Variants in COLEC12 observed in about 807,000 individuals in gnomAD.
COLEC12 encodes collectin-12.
A neutral mutation model predicts 71.1 loss-of-function variants in COLEC12; 33 were observed. That is an observed-to-expected ratio of 0.46 (90% CI 0.35 to 0.62). The LOEUF (loss-of-function observed/expected upper bound fraction) is 0.62, where lower values mean the gene tolerates loss of function less well. COLEC12 is among the 20% of genes least tolerant of loss of function. The pLI, the probability that COLEC12 is intolerant of heterozygous loss-of-function variation, is 0.00. For synonymous variants in COLEC12, 350 were observed against 353.0 expected (o/e 0.99, Z 0.10); for missense variants, 765 against 916.1 (o/e 0.84, Z 2.13).
intron 2 of COLEC12, among the ~76,000 whole-genome samples, chr18:374,985 A>G (rs1000247636): frequency 3.3e-5 from 5 of 152,228 alleles, no homozygotes; most frequent in African/African-American, 9.6e-5. Context: ...AACAAGTACA[A>G]TGTCGACAGT....
At position 321,731 on chromosome 18, in the gene COLEC12, C is replaced by A; in HGVS notation, c.2140G>T (p.Ala714Ser). 1 of 1,614,250 alleles carries A rather than the reference C, an allele frequency of 6.2e-7. No homozygotes were observed. Among genetic ancestry groups the A allele is most frequent in the Non-Finnish European group, 8.5e-7 (1 of 1,180,040 alleles). ...CATTGGAAATCGTTCCACTGCCCAG[C>A]ATAAATCAACCCAGCACAGTCTTCT... ...PGEDCAGLIY[A>S]GQWNDFQCED... Residue 714 changes from alanine (A) to serine (S), a missense_variant, in exon 9 of 10, where the codon GCT becomes TCT. Ala to Ser is a moderately conservative substitution (Grantham distance 99). Transcript: ENST00000400256.
Position 500,359 on chromosome 18 carries a change from C to A in COLEC12, c.7+149G>T. The A allele has an allele frequency of 2.0e-6, 1 of 491,554 alleles. No homozygotes were observed. Among genetic ancestry groups the A allele is most frequent in the South Asian group, 1.0e-4 (1 of 9,972 alleles). The allele number at this position is 491,554 out of a possible 1,614,324, so 30.4% of individuals were successfully genotyped here. On this transcript the variant is annotated intron_variant, in intron 1 of 9. Transcript: ENST00000400256. This position sits in a 1 kb window ranked among gnomAD's most constrained non-coding sequence, Gnocchi z 5.3. Reference sequence around the variant, plus strand: ...CGGGAGCCGGGTGCGCCCCCAGTGTCCGCGCACGAACCCGGCGCCCTGGCA... The same window carrying A: ...CGGGAGCCGGGTGCGCCCCCAGTGTACGCGCACGAACCCGGCGCCCTGGCA...
chr18:479,550 T>TCTCTCACACA (rs1555622841), intron 2 of COLEC12, among the ~76,000 whole-genome samples: 5 of 149,304 alleles, frequency 3.3e-5, no homozygotes, highest in African/African-American at 1.2e-4. Context: ...TCTCTCTCTC[T>TCTCTCACACA]CACACACACA....
At chr18:455,637 C>T (rs776974836) in intron 2 of COLEC12, among the ~76,000 whole-genome samples, 6 of 151,286 alleles carry the variant, frequency 4.0e-5, no homozygotes, top group Non-Finnish European at 8.8e-5. Flanking sequence ...CTAATGCTCC[C>T]CCTCCCTTTG....
Position 318,852 on chromosome 18 carries a change from T to C in COLEC12, c.*1193A>G, listed in dbSNP as rs557169920. On this transcript the variant is annotated 3_prime_UTR_variant, in exon 10 of 10. Coordinates refer to ENST00000400256, the MANE Select transcript of COLEC12 (RefSeq NM_130386.3). ...AAAAGTTTATTCTTGCATTTTATCA[T>C]GCGTATGCCTTGGAGTTATGTTTTT... 2.0e-5 allele frequency: 3 copies of C among 152,344 alleles called. No individual in the cohort carries two copies. The highest frequency in any genetic ancestry group is 7.2e-5 in the African/African-American group (3 of 41,578). The allele number at this position is 152,344 out of a possible 1,614,324, so 9.4% of individuals were successfully genotyped here.
At position 319,981 on chromosome 18, in the gene COLEC12, TAGAA is replaced by T; in HGVS notation, c.*60_*63del. 1.0e-6 allele frequency: 1 copy of T among 954,966 alleles called. No individual in the cohort carries two copies. Among genetic ancestry groups the T allele is most frequent in the Non-Finnish European group, 1.6e-6 (1 of 615,452 alleles). The allele number at this position is 954,966 out of a possible 1,614,324, so 59.2% of individuals were successfully genotyped here. ...CAATCTGATGAGAAGGTGATGCAAT[TAGAA>T]AGGAGTGTCCTTTGCCTTTGAGAGC... On this transcript the variant is annotated 3_prime_UTR_variant, in exon 10 of 10. Coordinates refer to ENST00000400256, the MANE Select transcript of COLEC12 (RefSeq NM_130386.3).
intron 1 of COLEC12, among the ~76,000 whole-genome samples, chr18:495,002 A>G (rs1357531746): frequency 6.6e-6 from 1 of 152,236 alleles, no homozygotes; most frequent in Non-Finnish European, 1.5e-5. Flanking sequence ...TTGATGGAAT[A>G]TTCATGACAA....
At chr18:490,164 T>A (rs574124966) in intron 1 of COLEC12, among the ~76,000 whole-genome samples, 20 of 152,316 alleles carry the variant, frequency 1.3e-4, no homozygotes, top group African/African-American at 2.9e-4. Flanking sequence ...TCACCTCCCC[T>A]GCTGAACTAG....
intron 2 of COLEC12, among the ~76,000 whole-genome samples, chr18:402,804 C>A (rs986168843): frequency 2.0e-5 from 3 of 151,870 alleles, no homozygotes; most frequent in Non-Finnish European, 4.4e-5. Flanking sequence ...TGATTAGAAG[C>A]CATGGCCTGA....
At chr18:383,404 T>C (rs1277193495) in intron 2 of COLEC12, among the ~76,000 whole-genome samples, 1 of 151,940 alleles carries the variant, frequency 6.6e-6, no homozygotes, top group Admixed American at 6.6e-5. Context: ...AGGAGGGAGA[T>C]GTATGTGCCC....
At chr18:375,220 T>C (rs1241524958) in intron 2 of COLEC12, among the ~76,000 whole-genome samples, 1 of 152,204 alleles carries the variant, frequency 6.6e-6, no homozygotes, top group Non-Finnish European at 1.5e-5. Flanking sequence ...CTACACTGTC[T>C]GCCTCCAAAG....
intron 2 of COLEC12, among the ~76,000 whole-genome samples, chr18:463,142 A>G (rs115882148): frequency 1.9e-3 from 288 of 152,302 alleles, no homozygotes; most frequent in African/African-American, 6.8e-3. Context: ...GTACCCAGAA[A>G]AAGCTTCCAA....
At chr18:386,515 A>G (rs1235084261) in intron 2 of COLEC12, among the ~76,000 whole-genome samples, 1 of 152,206 alleles carries the variant, frequency 6.6e-6, no homozygotes, top group Non-Finnish European at 1.5e-5. Flanking sequence ...TCCTATGTCC[A>G]TTAACATTGG....
At chr18:351,769 T>G (rs907850441) in intron 3 of COLEC12, among the ~76,000 whole-genome samples, 2 of 152,210 alleles carry the variant, frequency 1.3e-5, no homozygotes, top group African/African-American at 4.8e-5. Context: ...AGTTTTAGGG[T>G]ACATGTGCAC....
intron 2 of COLEC12, among the ~76,000 whole-genome samples, chr18:460,569 G>A (rs1252888403): frequency 6.6e-6 from 1 of 152,182 alleles, no homozygotes; most frequent in African/African-American, 2.4e-5. Context: ...TACATTGCGT[G>A]TGTTTTACAA....
intron 1 of COLEC12, among the ~76,000 whole-genome samples, chr18:485,969 G>A (rs1251115719): frequency 1.3e-5 from 2 of 152,166 alleles, no homozygotes; most frequent in South Asian, 2.1e-4. Flanking sequence ...CATTTATGAT[G>A]CATGATAGGC....
intron 2 of COLEC12, among the ~76,000 whole-genome samples, chr18:406,703 T>C (rs1915798190): frequency 6.6e-6 from 1 of 152,214 alleles, no homozygotes; most frequent in Non-Finnish European, 1.5e-5. Flanking sequence ...ATGGGGACCC[T>C]TTTCCTGTAA....
In COLEC12 at chr18:338,746, G is replaced by A. The variant is rs554766600; in HGVS notation, c.1328-3516C>T. ...GTGGTGAAGGTGTCACGTATGTTCC[G>A]CCACAATGGACGTAGCATTATGGAT... On this transcript the variant is annotated intron_variant, in intron 5 of 9. Transcript: ENST00000400256. Among the ~76,000 whole-genome samples the A allele has an allele frequency of 9.2e-5, 14 of 152,246 alleles. No homozygotes were observed. In the South Asian group the frequency reaches 2.7e-3, roughly 29 times the overall value.
At chr18:474,313 T>C (rs1462711049) in intron 2 of COLEC12, among the ~76,000 whole-genome samples, 2 of 152,220 alleles carry the variant, frequency 1.3e-5, no homozygotes, top group African/African-American at 4.8e-5. Flanking sequence ...AACTAATGGG[T>C]GGGAAATCAC....
Sources: allele counts gnomAD v4.1 joint callset (sites outside exome capture counted in the v4.1 genomes callset), GRCh38; gene constraint gnomAD v4.1.1; non-coding constraint Gnocchi (gnomAD v3.1); transcripts MANE v1.5; gene names NCBI Gene and HGNC (gene_info 2026-07-23, HGNC 2026-07-21).